The following NR4A3 variants were observed in gnomAD, a reference collection of about 807,000 sequenced individuals.
NR4A3 encodes chondrosarcoma, extraskeletal myxoid, fused to EWS.
Under a neutral mutation model 55.6 loss-of-function variants are expected in NR4A3, and 13 were observed. The observed-to-expected ratio is 0.23, with a 90% CI of 0.15 to 0.37. The LOEUF (loss-of-function observed/expected upper bound fraction) is 0.37. Ranked by LOEUF, NR4A3 falls within the 10% of genes least tolerant of loss-of-function variation. NR4A3 has a pLI of 1.00. For synonymous variants in NR4A3, 342 were observed against 357.9 expected, an observed-to-expected ratio of 0.96 and a Z score of 0.50; for missense variants, 646 against 822.8, an observed-to-expected ratio of 0.79 and a Z score of 2.63.
intron 5 of NR4A3, among the ~76,000 whole-genome samples, chr9:99,837,051 A>AT (rs893023364): frequency 2.0e-5 from 3 of 151,532 alleles, no homozygotes; most frequent in Admixed American, 6.6e-5. Context: ...TTTTAAATAG[A>AT]TTTTTTTTCT....
At chr9:99,855,577 G>A (rs906360664) in intron 7 of NR4A3, among the ~76,000 whole-genome samples, 5 of 152,082 alleles carry the variant, frequency 3.3e-5, no homozygotes, top group African/African-American at 9.7e-5. Context: ...AATCAAAGAC[G>A]GTCAGACTGA....
At chr9:99,840,773 T>C (rs1301171974) in intron 5 of NR4A3, among the ~76,000 whole-genome samples, 2 of 152,148 alleles carry the variant, frequency 1.3e-5, no homozygotes, top group Non-Finnish European at 2.9e-5. Flanking sequence ...CTCCCACTCA[T>C]TTGGGAGTTT....
intron 6 of NR4A3, among the ~76,000 whole-genome samples, chr9:99,845,974 A>G (rs549053166): frequency 1.3e-5 from 2 of 152,326 alleles, no homozygotes; most frequent in African/African-American, 4.8e-5. Context: ...GCATGCAACA[A>G]AGGATTAAGT....
chr9:99,845,239 T>C (rs1341239286), intron 6 of NR4A3, among the ~76,000 whole-genome samples: 1 of 152,212 alleles, frequency 6.6e-6, no homozygotes, highest in Non-Finnish European at 1.5e-5. Flanking sequence ...CTTTGGAACA[T>C]TGTATTTACC....
At chr9:99,835,620 T>A (rs990021618) in intron 5 of NR4A3, among the ~76,000 whole-genome samples, 4 of 152,224 alleles carry the variant, frequency 2.6e-5, no homozygotes, top group Non-Finnish European at 4.4e-5. Flanking sequence ...AGATGGTCAG[T>A]ACAGATAATT....
In NR4A3 at chr9:99,851,692, A is replaced by G. The variant is rs377069495; in HGVS notation, c.1633+4077A>G. On this transcript the variant is annotated intron_variant, in intron 7 of 7. Coordinates refer to ENST00000395097, the MANE Select transcript of NR4A3 (RefSeq NM_006981.4). ...GGTTCCCCACAGTGGTTGGCTTTCA[A>G]ACGTTTTTCAGGTTCCCTGTTTATC... is the stretch of plus-strand genomic sequence containing the variant. 5.9e-4 allele frequency among the ~76,000 whole-genome samples: 90 copies of G among 152,272 alleles called. 1 individual carries two copies. The highest frequency in any genetic ancestry group is 2.0e-3 in the African/African-American group (82 of 41,564).
chr9:99,856,281 C>T (rs916468827), intron 7 of NR4A3, among the ~76,000 whole-genome samples: 51 of 151,818 alleles, frequency 3.4e-4, no homozygotes, highest in African/African-American at 1.2e-3. Context: ...AGTGACAGAT[C>T]ACCACGCATT....
At position 99,825,497 on chromosome 9, in the gene NR4A3, G is replaced by C. The variant is rs1473414011; in HGVS notation, c.-176-162G>C. Among the ~76,000 whole-genome samples the C allele has an allele frequency of 6.6e-6, 1 of 152,108 alleles. No individual in the cohort carries two copies. Among genetic ancestry groups the C allele is most frequent in the East Asian group, 1.9e-4 (1 of 5,190 alleles). ...ATGCTTCTTGCCCAGGGGGACTCCTGTACCATTAATCACCCTTAATTTTAC... is the reference window on the plus strand; with the variant it reads ...ATGCTTCTTGCCCAGGGGGACTCCTCTACCATTAATCACCCTTAATTTTAC... On this transcript the variant is annotated intron_variant, in intron 1 of 7. Coordinates refer to ENST00000395097, the MANE Select transcript of NR4A3 (RefSeq NM_006981.4). The surrounding 1 kb of genome is among the most constrained non-coding windows in gnomAD (Gnocchi z 5.0).
At chr9:99,836,726 T>A (rs1166195547) in intron 5 of NR4A3, among the ~76,000 whole-genome samples, 7 of 152,220 alleles carry the variant, frequency 4.6e-5, no homozygotes, top group Non-Finnish European at 1.0e-4. Flanking sequence ...GAAGTGTGAG[T>A]TCATCAACAC....
intron 5 of NR4A3, among the ~76,000 whole-genome samples, chr9:99,842,597 AG>A (rs1183451485): frequency 2.6e-5 from 4 of 152,076 alleles, no homozygotes; most frequent in Non-Finnish European, 1.5e-5. Flanking sequence ...CAGGCATGGT[AG>A]CACACACCTG....
Position 99,828,527 on chromosome 9 carries a change from C to T in NR4A3, c.485C>T (p.Ser162Leu), listed in dbSNP as rs764844634. 5.7e-6 allele frequency: 9 copies of T among 1,574,024 alleles called. No individual in the cohort carries two copies. Among genetic ancestry groups the T allele is most frequent in the South Asian group, 1.2e-5 (1 of 85,390 alleles). ...GCGTTATGGGACGAGGCACTGCCCT[C>T]GGCGCCCGGCTGCATCGCACCCGGC... ...AGALWDEALP[S>L]APGCIAPGPL... Residue 162 changes from serine (S) to leucine (L), a missense_variant, in exon 3 of 8, where the codon TCG (serine) becomes TTG (leucine). Physicochemically the swap from Ser to Leu is moderately radical, Grantham distance 145 (BLOSUM62 -2). This residue lies in a region of NR4A3 where 426 missense variants were observed against 429.4 expected (regional missense o/e 0.99). Coordinates refer to ENST00000395097, the MANE Select transcript of NR4A3 (RefSeq NM_006981.4). The surrounding 1 kb of genome is among the most constrained non-coding windows in gnomAD (Gnocchi z 7.7).
At chr9:99,843,255 T>A (rs1039521292) in intron 5 of NR4A3, among the ~76,000 whole-genome samples, 1 of 152,252 alleles carries the variant, frequency 6.6e-6, no homozygotes, top group African/African-American at 2.4e-5. Flanking sequence ...CATTTGGCCA[T>A]TGAACACTTG....
intron 5 of NR4A3, among the ~76,000 whole-genome samples, chr9:99,837,899 G>A (rs758077081): frequency 1.8e-4 from 27 of 152,158 alleles, no homozygotes; most frequent in Non-Finnish European, 3.7e-4. Context: ...CTCCATTTGT[G>A]GGAATGGGAG....
Position 99,864,004 on chromosome 9 carries a change from C to CT in NR4A3, c.*145dup, listed in dbSNP as rs1376904621. On this transcript the variant is annotated 3_prime_UTR_variant, in exon 8 of 8. Transcript: ENST00000395097. ...AGCTCCTGTAGAAAGCAAAGACTTT[C>CT]TTTTTTTTCTGGCTCTTTTCCTTAC... is the stretch of plus-strand genomic sequence containing the variant. The CT allele has an allele frequency of 8.9e-5, 88 of 992,834 alleles. No individual in the cohort carries two copies. Among genetic ancestry groups the CT allele is most frequent in the Admixed American group, 2.0e-4 (7 of 35,700 alleles). 61.5% of individuals were successfully genotyped at this position (992,834 alleles called of 1,614,324 possible). A position where few individuals can be genotyped will look rare whatever the true frequency, so the allele number is the denominator to read the frequency against.
At chr9:99,850,851 G>A (rs1402908727) in intron 7 of NR4A3, among the ~76,000 whole-genome samples, 1 of 152,226 alleles carries the variant, frequency 6.6e-6, no homozygotes, top group Non-Finnish European at 1.5e-5. Context: ...CCCCCTTGGA[G>A]TGATAGTGAC....
intron 6 of NR4A3, 117 bp downstream of exon 6, chr9:99,844,965 C>A: frequency 2.4e-6 from 2 of 833,680 alleles, no homozygotes; most frequent in Non-Finnish European, 3.9e-6. Context: ...GAAATATGAT[C>A]AGGCACTAAA....
intron 5 of NR4A3, chr9:99,834,740 CT>C: frequency 1.0e-6 from 1 of 967,918 alleles, no homozygotes; most frequent in Non-Finnish European, 1.2e-6. Flanking sequence ...CTGTGATCCT[CT>C]TTCCCTCTTC....
At chr9:99,844,943 A>C in intron 6 of NR4A3, 95 bp downstream of exon 6, 1 of 976,500 alleles carries the variant, frequency 1.0e-6, no homozygotes, top group Non-Finnish European at 1.6e-6. Flanking sequence ...CGTTTTCTCA[A>C]GAAGCAAATG....
At chr9:99,834,500 A>T (rs1827514966) in intron 5 of NR4A3, among the ~76,000 whole-genome samples, 1 of 152,126 alleles carries the variant, frequency 6.6e-6, no homozygotes, top group Non-Finnish European at 1.5e-5. Flanking sequence ...CAAAAACAAA[A>T]ACAAAAACAA....
Sources: gnomAD v4.1 joint callset for allele counts (sites outside exome capture counted in the v4.1 genomes callset) on GRCh38, gnomAD v4.1.1 for gene constraint, gnomAD v4.1.1 regional missense constraint, Gnocchi (gnomAD v3.1) non-coding constraint, MANE v1.5 for transcripts, NCBI Gene and HGNC (gene_info 2026-07-23, HGNC 2026-07-21) for gene names.